Variants in CYREN observed in about 807,000 individuals in gnomAD.
CYREN encodes cell cycle regulator of non-homologous end joining.
Under a neutral mutation model 9.7 loss-of-function variants are expected in CYREN, and 7 were observed. The ratio of observed to expected loss-of-function variants is 0.72; its 90% CI spans 0.41 to 1.36. CYREN has a LOEUF of 1.36. Among genes scored for constraint, CYREN ranks in the 40% most tolerant of loss-of-function variants. The probability of loss-of-function intolerance (pLI) is 0.01; values close to 1 mark genes in which losing one functional copy is unlikely to be tolerated. For synonymous variants in CYREN, 76 were observed against 77.9 expected (o/e 0.98, Z 0.13); for missense variants, 215 against 198.1 (o/e 1.09, Z -0.51).
intron 2 of CYREN, among the ~76,000 whole-genome samples, chr7:135,109,392 T>C (rs989739579): frequency 9.2e-5 from 14 of 151,596 alleles, no homozygotes; most frequent in Non-Finnish European, 1.8e-4. Flanking sequence ...ATTGGCTCGA[T>C]AGCCCCAGCA....
chr7:135,140,280 C>G, intron 2 of CYREN, among the ~76,000 whole-genome samples: 1 of 151,880 alleles, frequency 6.6e-6, no homozygotes, highest in East Asian at 1.9e-4. Flanking sequence ...TCTTTCACGT[C>G]CCTGGTTAGT....
At chr7:135,130,123 C>A (rs1053199606) in intron 2 of CYREN, among the ~76,000 whole-genome samples, 5 of 152,008 alleles carry the variant, frequency 3.3e-5, no homozygotes, top group African/African-American at 9.7e-5. Context: ...TAGGTAGAAG[C>A]CTTATGAAAA....
intron 2 of CYREN, chr7:135,115,789 G>T: frequency 1.8e-6 from 1 of 550,836 alleles, no homozygotes; most frequent in East Asian, 2.9e-5. Context: ...ATAAATGAAG[G>T]AGTAAGTTAT....
At chr7:135,115,482 A>G (rs1826194129) in intron 2 of CYREN, 1 of 1,551,318 alleles carries the variant, frequency 6.4e-7, no homozygotes, top group Non-Finnish European at 8.7e-7. Flanking sequence ...AGCTACAAGG[A>G]TAAAGGAATA....
chr7:135,167,114 T>C (rs1055961772), intron 3 of CYREN: 3 of 985,042 alleles, frequency 3.0e-6, no homozygotes, highest in Non-Finnish European at 3.6e-6. Context: ...GCATGAGGAT[T>C]AGCTGAGGGG....
downstream of CYREN, chr7:135,164,897 A>C: frequency 2.5e-6 from 4 of 1,614,176 alleles, no homozygotes; most frequent in Non-Finnish European, 3.4e-6. Context: ...CTGGGTTTCT[A>C]GCTCTGGGCA....
intron 2 of CYREN, among the ~76,000 whole-genome samples, chr7:135,157,840 T>C (rs1020585562): frequency 7.2e-5 from 11 of 152,210 alleles, no homozygotes; most frequent in African/African-American, 1.2e-4. Context: ...TGCAGCCACA[T>C]TGCCTGATTG....
At chr7:135,134,882 C>T (rs1208113695) in intron 2 of CYREN, 1 of 1,550,954 alleles carries the variant, frequency 6.4e-7, no homozygotes, top group African/African-American at 1.4e-5. Flanking sequence ...AAATACAGCA[C>T]ATCTTGGACA....
At chr7:135,140,581 G>A (rs1173592534) in intron 2 of CYREN, among the ~76,000 whole-genome samples, 1 of 152,018 alleles carries the variant, frequency 6.6e-6, no homozygotes, top group Non-Finnish European at 1.5e-5. Context: ...GCTCTGGCTA[G>A]GACTCCCAAT....
chr7:135,130,344 T>C (rs1828559317), intron 2 of CYREN, among the ~76,000 whole-genome samples: 1 of 152,194 alleles, frequency 6.6e-6, no homozygotes, highest in Non-Finnish European at 1.5e-5. Flanking sequence ...ACTTGATATT[T>C]ATTAATGGTG....
chr7:135,152,308 T>C (rs1829683631), intron 2 of CYREN, among the ~76,000 whole-genome samples: 1 of 152,144 alleles, frequency 6.6e-6, no homozygotes, highest in Non-Finnish European at 1.5e-5. Flanking sequence ...ATGGGAACAG[T>C]GATAATAACA....
chr7:135,150,555 G>C (rs1188353275), intron 2 of CYREN, among the ~76,000 whole-genome samples: 2 of 152,142 alleles, frequency 1.3e-5, no homozygotes, highest in African/African-American at 4.8e-5. Context: ...AGTCGAAGTG[G>C]GTGGCAAATT....
At chr7:135,147,929 G>GT in intron 2 of CYREN, 1 of 455,798 alleles carries the variant, frequency 2.2e-6, no homozygotes, top group East Asian at 6.9e-5. Context: ...CGGCTACAGT[G>GT]TAGGTAAAGA....
chr7:135,171,703 C>T (rs576219704), upstream of CYREN, among the ~76,000 whole-genome samples: 12 of 152,304 alleles, frequency 7.9e-5, no homozygotes, highest in East Asian at 2.3e-3. Context: ...TCTACAGCTC[C>T]GTGTCTGAGA....
intron 2 of CYREN, among the ~76,000 whole-genome samples, chr7:135,154,357 A>G (rs1259291506): frequency 6.6e-6 from 1 of 151,936 alleles, no homozygotes; most frequent in African/African-American, 2.4e-5. Flanking sequence ...TCCCTGTTTC[A>G]TTTAGTTCTG....
chr7:135,096,430 A>G (rs1230592418), intron 2 of CYREN, among the ~76,000 whole-genome samples: 14 of 151,670 alleles, frequency 9.2e-5, no homozygotes, highest in Admixed American at 9.2e-4. Flanking sequence ...AAAGAAAGAA[A>G]GAGATATATA....
rs766126095 is a variant in CYREN, at chr7:135,166,793, C to A, written c.292G>T (p.Val98Leu). 1 of 1,614,176 alleles carries A rather than the reference C, an allele frequency of 6.2e-7. No individual in the cohort carries two copies. The highest frequency in any genetic ancestry group is 2.2e-5 in the East Asian group (1 of 44,886). Residue 98 changes from valine (V) to leucine (L), a missense_variant, in exon 4 of 4, where the codon GTG becomes TTG. Physicochemically the swap from Val to Leu is conservative, Grantham distance 32. Coordinates refer to ENST00000393114, the MANE Select transcript of CYREN (RefSeq NM_024033.4). ...CTCCCAGAACTTGTGTGAGGCGACA[C>A]GGAGCAGGGAGGGGAGTGCTCTGGG... Reference protein sequence around the residue: ...DNPEHSPPCSVSPHTSSGSSS... With the variant: ...DNPEHSPPCSLSPHTSSGSSS...
intron 2 of CYREN, among the ~76,000 whole-genome samples, chr7:135,143,089 G>A (rs532832635): frequency 6.6e-6 from 1 of 152,212 alleles, no homozygotes; most frequent in South Asian, 2.1e-4. Flanking sequence ...GCTCATGCCT[G>A]TAATCCCAGC....
chr7:135,094,761 C>T (rs1445590590), intron 2 of CYREN, among the ~76,000 whole-genome samples: 1 of 152,040 alleles, frequency 6.6e-6, no homozygotes, highest in African/African-American at 2.4e-5. Flanking sequence ...ACCATACCAC[C>T]CAAGAGGAGC....
Sources: allele counts gnomAD v4.1 joint callset (sites outside exome capture counted in the v4.1 genomes callset), GRCh38; gene constraint gnomAD v4.1.1; transcripts MANE v1.5; gene names NCBI Gene and HGNC (gene_info 2026-07-23, HGNC 2026-07-21).